GPI: variants seen among roughly 807,000 people sequenced by gnomAD.
GPI encodes the protein glucose-6-phosphate isomerase, also known as D-hexose-6-phosphate anomerase.
Under a neutral mutation model 75.8 loss-of-function variants are expected in GPI, and 56 were observed. The observed-to-expected ratio is 0.74, with a 90% CI of 0.60 to 0.92. The LOEUF (loss-of-function observed/expected upper bound fraction) is 0.92, where lower values mean the gene tolerates loss of function less well. Ranked by LOEUF, GPI falls within the 40% of genes least tolerant of loss-of-function variation. The pLI is 0.00. For synonymous variants in GPI, 288 were observed against 285.4 expected (o/e 1.01, Z -0.09); for missense variants, 638 against 741.0 (o/e 0.86, Z 1.61).
chr19:34,359,869 T>C (rs2074292209), upstream of GPI: 1 of 152,302 alleles, frequency 6.6e-6, no homozygotes, highest in Non-Finnish European at 1.5e-5. Flanking sequence ...GGGGCTCTTG[T>C]TTGGAACTGT....
chr19:34,386,581 C>T (rs1276134542), intron 9 of GPI, among the ~76,000 whole-genome samples: 3 of 152,200 alleles, frequency 2.0e-5, no homozygotes, highest in African/African-American at 7.2e-5. Context: ...TGAGGTGAAG[C>T]CTGAAGAACC....
chr19:34,393,276 C>T lies in GPI; in HGVS notation c.833C>T (p.Ser278Leu), dbSNP rs34306618. 7.7e-5 allele frequency: 124 copies of T among 1,613,296 alleles called. No individual in the cohort carries two copies. Among genetic ancestry groups the T allele is most frequent in the Non-Finnish European group, 8.4e-5 (99 of 1,179,398 alleles). ...GTGGGAGGACGCTACTCGCTGTGGT[C>T]GGCCATCGGACTCTCCATTGCCCTG... ...DWVGGRYSLW[S>L]AIGLSIALHV... Residue 278 changes from serine (S) to leucine (L), a missense_variant, in exon 10 of 18, where the codon TCG becomes TTG. Ser to Leu is a moderately radical substitution (Grantham distance 145). Coordinates refer to ENST00000356487, the MANE Select transcript of GPI (RefSeq NM_000175.5). This position sits in a 1 kb window ranked among gnomAD's most constrained non-coding sequence, Gnocchi z 4.4.
intron 4 of GPI, among the ~76,000 whole-genome samples, chr19:34,370,857 G>C (rs911145139): frequency 1.3e-5 from 2 of 152,228 alleles, no homozygotes; most frequent in Non-Finnish European, 2.9e-5. Flanking sequence ...GGTTGAGTCT[G>C]TACTGAGCTG....
intron 9 of GPI, among the ~76,000 whole-genome samples, chr19:34,386,074 CA>C (rs981877595): frequency 6.8e-6 from 1 of 147,472 alleles, no homozygotes. Context: ...GGGTCAGACT[CA>C]GGTAGGTAGA....
upstream of GPI, among the ~76,000 whole-genome samples, chr19:34,361,601 GACTTTTCTTCTT>G (rs1439743287): frequency 2.6e-5 from 4 of 152,140 alleles, no homozygotes; most frequent in Non-Finnish European, 5.9e-5. Flanking sequence ...CTTTGGATTA[GACTTTTCTTCTT>G]ACTTTTCTGT....
chr19:34,400,362 T>C lies in GPI; in HGVS notation c.*326T>C, dbSNP rs2075005165. 1.7e-6 allele frequency: 1 copy of C among 596,748 alleles called. No individual in the cohort carries two copies. The highest frequency in any genetic ancestry group is 3.0e-6 in the Non-Finnish European group (1 of 336,640). The allele number at this position is 596,748 out of a possible 1,614,324, so 37.0% of individuals were successfully genotyped here. A position where few individuals can be genotyped will look rare whatever the true frequency, so the allele number is the denominator to read the frequency against. ...GCTCAGCCTCTGATTTTTTTTTTCC[T>C]GTGATGGTGCTTTATGTAGCAGAGG... is the stretch of plus-strand genomic sequence containing the variant. On this transcript the variant is annotated 3_prime_UTR_variant, in exon 18 of 18. Transcript: ENST00000356487.
intron 9 of GPI, chr19:34,392,155 C>A (rs77407370): frequency 0.059 from 11 of 188 alleles, no homozygotes; most frequent in African/African-American, 0.091. Flanking sequence ...AGGATCTGGC[C>A]CTAGTAAGAA....
intron 4 of GPI, 182 bp downstream of exon 4, chr19:34,368,884 C>G: frequency 1.4e-6 from 1 of 703,876 alleles, no homozygotes. Context: ...GCCTGAATTT[C>G]TCCTGGCTCT....
intron 4 of GPI, among the ~76,000 whole-genome samples, chr19:34,375,317 ATT>A (rs879659233): frequency 7.0e-6 from 1 of 143,696 alleles, no homozygotes. Context: ...TAATTTTTGT[ATT>A]TTTTTTTTTT....
At chr19:34,384,366 T>C (rs2074700911) in intron 9 of GPI, among the ~76,000 whole-genome samples, 1 of 152,184 alleles carries the variant, frequency 6.6e-6, no homozygotes, top group African/African-American at 2.4e-5. Flanking sequence ...GGTATGTATT[T>C]TTGGGTCTCA....
At chr19:34,365,759 C>T in intron 1 of GPI, 1 of 487,020 alleles carries the variant, frequency 2.1e-6, no homozygotes, top group South Asian at 1.5e-5. Flanking sequence ...TGTCCCTTTC[C>T]ATCCGCTCCT....
At position 34,366,438 on chromosome 19, in the gene GPI, A is replaced by G. The variant is rs2145317643; in HGVS notation, c.213+3A>G. 6.2e-7 allele frequency: 1 copy of G among 1,604,936 alleles called. No individual in the cohort carries two copies. The highest frequency in any genetic ancestry group is 8.5e-7 in the Non-Finnish European group (1 of 1,171,596). On this transcript the variant is annotated splice_donor_region_variant and intron_variant, in intron 2 of 17. Transcript: ENST00000356487. ...TGATGCGGATGCTGGTGGACTTGGT[A>G]ATGTTCTGCTTGGGGAGGCATAACT...
chr19:34,369,685 C>T (rs1007526500), intron 4 of GPI, among the ~76,000 whole-genome samples: 8 of 147,634 alleles, frequency 5.4e-5, no homozygotes, highest in Admixed American at 2.0e-4. Flanking sequence ...CCAGCCTGGG[C>T]GACAGAGGGA....
At chr19:34,365,532 C>A in intron 1 of GPI, 144 bp downstream of exon 1, 1 of 1,316,634 alleles carries the variant, frequency 7.6e-7, no homozygotes, top group Non-Finnish European at 1.0e-6. Flanking sequence ...AGGCCGAGTC[C>A]GCACTTCGTC....
chr19:34,361,041 G>A (rs2074298427), upstream of GPI, among the ~76,000 whole-genome samples: 1 of 151,992 alleles, frequency 6.6e-6, no homozygotes, highest in Non-Finnish European at 1.5e-5. Flanking sequence ...GCCTCCCAAA[G>A]TGTTGGGATT....
At chr19:34,388,171 G>A (rs1427322863) in intron 9 of GPI, among the ~76,000 whole-genome samples, 3 of 152,180 alleles carry the variant, frequency 2.0e-5, no homozygotes, top group Non-Finnish European at 4.4e-5. Context: ...TTGACACAGG[G>A]TCTGAGTTAA....
intron 12 of GPI, among the ~76,000 whole-genome samples, chr19:34,394,644 A>G (rs2074918872): frequency 6.6e-6 from 1 of 151,060 alleles, no homozygotes; most frequent in African/African-American, 2.4e-5. Flanking sequence ...TGGGATCTCC[A>G]GAGCCCCCCG....
rs753851493 is a variant in GPI at position 34,393,922 on chromosome 19, C to T, written c.918C>T (p.His306=). 2 of 1,613,774 alleles carry T rather than the reference C, an allele frequency of 1.2e-6. No individual in the cohort carries two copies. Among genetic ancestry groups the T allele is most frequent in the African/African-American group, 1.3e-5 (1 of 75,028 alleles). Reference sequence around the variant, plus strand: ...TCCTGCTCCTGTTTCAGGACCAGCACTTCCGCACGACGCCCCTGGAGAAGA... The same window carrying T: ...TCCTGCTCCTGTTTCAGGACCAGCATTTCCGCACGACGCCCCTGGAGAAGA... ...LLSGAHWMDQ[H]FRTTPLEKNA... The change falls in exon 12 of 18, where the codon CAC becomes CAT. Residue 306 remains histidine (H), a synonymous_variant. Coordinates refer to ENST00000356487, the MANE Select transcript of GPI (RefSeq NM_000175.5). The surrounding 1 kb of genome is among the most constrained non-coding windows in gnomAD (Gnocchi z 4.4).
intron 12 of GPI, among the ~76,000 whole-genome samples, chr19:34,395,350 G>T (rs907819235): frequency 6.6e-6 from 1 of 151,560 alleles, no homozygotes; most frequent in African/African-American, 2.4e-5. Flanking sequence ...GGGCAACGTA[G>T]TGAGGCCCGG....
Sources: gnomAD v4.1 joint callset for allele counts (sites outside exome capture counted in the v4.1 genomes callset) on GRCh38, gnomAD v4.1.1 for gene constraint, Gnocchi (gnomAD v3.1) non-coding constraint, MANE v1.5 for transcripts, NCBI Gene and HGNC (gene_info 2026-07-23, HGNC 2026-07-21) for gene names.